The following AASS variants were observed in gnomAD, a reference collection of about 807,000 sequenced individuals.
The protein encoded by AASS is alpha-aminoadipic semialdehyde synthase, mitochondrial.
In AASS, 86 loss-of-function variants were observed where a neutral mutation model predicts 105.4. The observed-to-expected ratio is 0.82, with a 90% confidence interval of 0.69 to 0.98. The LOEUF (loss-of-function observed/expected upper bound fraction) is 0.98. Among genes scored for constraint, AASS ranks in the 50% least tolerant of loss-of-function variants. The pLI, the probability that AASS is intolerant of heterozygous loss-of-function variation, is 0.00. For missense variants in AASS, 1,048 were observed against 1,143.2 expected, an observed-to-expected ratio of 0.92 and a Z score of 1.20; for synonymous variants, 381 against 394.8, an observed-to-expected ratio of 0.96 and a Z score of 0.41.
chr7:122,101,412 T>C lies in AASS; in HGVS notation c.1365A>G (p.Leu455=), dbSNP rs1179042404. The stretch of plus-strand genomic sequence containing the variant: ...TCTGGATATATTTATATTTATCAGG[T>C]AATGTACCGTTGGATGTAATCACTG... ...RDAVITSNGT[L]PDKYKYIQTL... Residue 455 remains leucine, a synonymous_variant, in exon 13 of 24, where the codon TTA becomes TTG. Transcript: ENST00000417368. The C allele has an allele frequency of 1.2e-6, 2 of 1,610,454 alleles. No homozygotes were observed. Among genetic ancestry groups the C allele is most frequent in the African/African-American group, 2.7e-5 (2 of 74,902 alleles).
rs1211159828 is a variant in AASS, at chr7:122,076,351, A to G, written c.*138T>C. On this transcript the variant is annotated 3_prime_UTR_variant, in exon 24 of 24. Transcript: ENST00000417368. ...CATTTCCATATTAAAATAAAGATTTATAGTTCAAAAAGTACATTGTGTTAA... is the reference window on the plus strand; with the variant it reads ...CATTTCCATATTAAAATAAAGATTTGTAGTTCAAAAAGTACATTGTGTTAA... 2.9e-6 allele frequency: 2 copies of G among 694,494 alleles called. No individual in the cohort carries two copies. The highest frequency in any genetic ancestry group is 1.8e-5 in the African/African-American group (1 of 56,108). 43.0% of individuals were successfully genotyped at this position (694,494 alleles called of 1,614,324 possible). A position where few individuals can be genotyped will look rare whatever the true frequency, so the allele number is the denominator to read the frequency against.
chr7:122,101,165 T>A (rs1364725514), intron 13 of AASS, among the ~76,000 whole-genome samples: 1 of 151,820 alleles, frequency 6.6e-6, no homozygotes, highest in Non-Finnish European at 1.5e-5. Context: ...AAAGCCAAAA[T>A]GACGCTATAC....
intron 15 of AASS, among the ~76,000 whole-genome samples, chr7:122,095,643 A>G (rs1794116524): frequency 6.6e-6 from 1 of 151,402 alleles, no homozygotes; most frequent in Non-Finnish European, 1.5e-5. Flanking sequence ...TCAACAGAAT[A>G]GAGTATTGCT....
At chr7:122,081,375 T>C in intron 20 of AASS, 125 bp downstream of exon 20, 1 of 828,944 alleles carries the variant, frequency 1.2e-6, no homozygotes, top group Admixed American at 1.7e-5. Context: ...GGAGTTAGGA[T>C]TTATCTTCCT....
intron 8 of AASS, among the ~76,000 whole-genome samples, chr7:122,115,754 T>G (rs1280587292): frequency 1.3e-5 from 2 of 152,138 alleles, no homozygotes; most frequent in African/African-American, 2.4e-5. Context: ...AGTTTTAGGA[T>G]GCATCCAATC....
chr7:122,127,674 T>C (rs1795718608), intron 3 of AASS, among the ~76,000 whole-genome samples: 1 of 152,186 alleles, frequency 6.6e-6, no homozygotes. Flanking sequence ...TACACTCCTA[T>C]ATAATAGGTA....
At chr7:122,119,283 G>A (rs1362086123) in intron 4 of AASS, among the ~76,000 whole-genome samples, 1 of 151,998 alleles carries the variant, frequency 6.6e-6, no homozygotes, top group African/African-American at 2.4e-5. Context: ...TATGTCCTGG[G>A]CTCTATTTTC....
chr7:122,143,327 CTT>C (rs969764065), intron 1 of AASS, among the ~76,000 whole-genome samples: 6 of 152,018 alleles, frequency 3.9e-5, no homozygotes, highest in African/African-American at 1.4e-4. Flanking sequence ...CTCGAGCGCT[CTT>C]TCTCTCTCTC....
Position 122,101,429 on chromosome 7 carries a change from T to C in AASS, c.1348A>G (p.Thr450Ala). Residue 450 changes from threonine to alanine, a missense_variant, in exon 13 of 24, where the codon ACA becomes GCA. Thr to Ala is a moderately conservative substitution (Grantham distance 58). Coordinates refer to ENST00000417368, the MANE Select transcript of AASS (RefSeq NM_005763.4). ...TTATCAGGTAATGTACCGTTGGATG[T>C]AATCACTGCCTAAATGTATATGACA... ...FSPVVRDAVI[T>A]SNGTLPDKYK... 6.2e-7 allele frequency: 1 copy of C among 1,609,884 alleles called. No homozygotes were observed. The highest frequency in any genetic ancestry group is 1.1e-5 in the South Asian group (1 of 91,000).
chr7:122,085,995 A>G lies in AASS; in HGVS notation c.2184+17T>C, dbSNP rs747098585. 6.9e-5 allele frequency: 111 copies of G among 1,613,232 alleles called. 1 individual carries two copies. Among genetic ancestry groups the G allele is most frequent in the Middle Eastern group, 3.3e-4 (2 of 6,078 alleles). On this transcript the variant is annotated intron_variant, in intron 19 of 23. Transcript: ENST00000417368. ...TCACAACTGGCAACATGTTGAATCT[A>G]AAGTCCAGCTGCTTACCTTATATCT...
rs374816293 is a variant in AASS at position 122,133,757 on chromosome 7, A to G, written c.-15-16T>C. On this transcript the variant is annotated splice_polypyrimidine_tract_variant and intron_variant, in intron 1 of 23. Coordinates refer to ENST00000417368, the MANE Select transcript of AASS (RefSeq NM_005763.4). ...CACCTGGTGACTGTAAAGACAATGT[A>G]AAGAGCAGAGCAACAAAAGGCAGCA... The G allele has an allele frequency of 2.5e-5, 40 of 1,609,120 alleles. No homozygotes were observed. The African/African-American group carries it at 5.1e-4, about 20-fold the overall frequency.
chr7:122,107,950 CA>C (rs71172163), intron 11 of AASS, among the ~76,000 whole-genome samples: 79,533 of 107,676 alleles, frequency 0.74, 27,921 homozygotes, highest in African/African-American at 0.84. Context: ...ACCCACAACT[CA>C]AAAAAAAAAA....
chr7:122,087,731 C>T (rs977614476), intron 18 of AASS, among the ~76,000 whole-genome samples: 7 of 152,226 alleles, frequency 4.6e-5, no homozygotes, highest in African/African-American at 1.4e-4. Flanking sequence ...CTTTTAGGGT[C>T]TTCACACCCA....
At chr7:122,078,813 A>G in intron 22 of AASS, 49 bp downstream of exon 22, 11 of 1,541,630 alleles carry the variant, frequency 7.1e-6, no homozygotes, top group Non-Finnish European at 9.9e-6. Flanking sequence ...CACTGACTCT[A>G]TCTTATGATT....
chr7:122,130,111 A>G (rs904740309), intron 2 of AASS, among the ~76,000 whole-genome samples: 3 of 152,084 alleles, frequency 2.0e-5, no homozygotes, highest in Non-Finnish European at 2.9e-5. Flanking sequence ...ACAAAACATG[A>G]TCAGCAGTAT....
Position 122,075,885 on chromosome 7 carries a change from T to C in AASS, c.*604A>G, listed in dbSNP as rs1385307181. On this transcript the variant is annotated 3_prime_UTR_variant, in exon 24 of 24. Transcript: ENST00000417368. The stretch of plus-strand genomic sequence containing the variant: ...TATCAATTTTAAAAATATAAAAATA[T>C]AGCTTTATGACGAAATTTTTTCTGA... 1 of 152,230 alleles carries C rather than the reference T, an allele frequency of 6.6e-6. No individual in the cohort carries two copies. The highest frequency in any genetic ancestry group is 6.5e-5 in the Admixed American group (1 of 15,298). 9.4% of individuals were successfully genotyped at this position (152,230 alleles called of 1,614,324 possible). A position where few individuals can be genotyped will look rare whatever the true frequency, so the allele number is the denominator to read the frequency against.
intron 1 of AASS, among the ~76,000 whole-genome samples, chr7:122,134,256 G>A (rs1796043503): frequency 6.6e-6 from 1 of 152,040 alleles, no homozygotes; most frequent in African/African-American, 2.4e-5. Context: ...TCAGTGAACT[G>A]CACTGAACTG....
chr7:122,123,441 T>C (rs1437536136), intron 4 of AASS, among the ~76,000 whole-genome samples: 1 of 152,222 alleles, frequency 6.6e-6, no homozygotes, highest in Admixed American at 6.5e-5. Flanking sequence ...AACATTGTTT[T>C]CTATATCTCA....
In AASS at chr7:122,113,149, C is replaced by G. The variant is rs745731853; in HGVS notation, c.1247G>C (p.Gly416Ala). 6.2e-7 allele frequency: 1 copy of G among 1,613,964 alleles called. No individual in the cohort carries two copies. The highest frequency in any genetic ancestry group is 1.1e-5 in the South Asian group (1 of 91,078). The change falls in exon 11 of 24, where the codon GGA becomes GCA. Residue 416 changes from glycine to alanine, a missense_variant. By Grantham distance (60) the Gly-to-Ala change is moderately conservative. Transcript: ENST00000417368. ...TTCAACATAAGGGTAAAGCATGTCT[C>G]CAAAGCATTCTGTAGCTTCAATTGG... is the stretch of plus-strand genomic sequence containing the variant. The part of the protein sequence containing the change: ...QLPIEATECF[G>A]DMLYPYVEEM...
Sources: allele counts gnomAD v4.1 joint callset (sites outside exome capture counted in the v4.1 genomes callset), GRCh38; gene constraint gnomAD v4.1.1; transcripts MANE v1.5; gene names NCBI Gene and HGNC (gene_info 2026-07-23, HGNC 2026-07-21).